The following THSD4 variants were observed in gnomAD, a reference collection of about 807,000 sequenced individuals.
THSD4 encodes thrombospondin type 1 domain containing 4.
In THSD4, 69 loss-of-function variants were observed where a neutral mutation model predicts 119.0. That is an observed-to-expected ratio of 0.58 (90% CI 0.48 to 0.71). The LOEUF is 0.71. THSD4 is among the 30% of genes least tolerant of loss of function. THSD4 has a pLI of 0.00. For synonymous variants in THSD4, 524 were observed against 540.4 expected (o/e 0.97, Z 0.42); for missense variants, 1,393 against 1,391.1 (o/e 1.00, Z -0.02).
At chr15:71,291,446 T>A (rs2044790649) in intron 6 of THSD4, among the ~76,000 whole-genome samples, 1 of 152,138 alleles carries the variant, frequency 6.6e-6, no homozygotes, top group African/African-American at 2.4e-5. Context: ...AAGCCTGAAG[T>A]CTTGAGACCC....
At chr15:71,192,544 T>C (rs537253255) in intron 3 of THSD4, among the ~76,000 whole-genome samples, 1 of 152,256 alleles carries the variant, frequency 6.6e-6, no homozygotes, top group East Asian at 1.9e-4. Flanking sequence ...CCTCCCAACG[T>C]GTTGGGATTA....
rs1470808533 is a variant in THSD4, at chr15:71,419,031, G to A, written c.1152+7208G>A. Among the ~76,000 whole-genome samples, 4 of 106,696 alleles carry A rather than the reference G, an allele frequency of 3.7e-5. 1 individual carries two copies. Among genetic ancestry groups the A allele is most frequent in the Non-Finnish European group, 8.2e-5 (4 of 48,742 alleles). The allele number at this position is 106,696 out of a possible 152,430, so 70.0% of individuals were successfully genotyped here. A position where few individuals can be genotyped will look rare whatever the true frequency, so the allele number is the denominator to read the frequency against. ...ATCAGTTGTTATGTCTCCTTTTTTA[G>A]CTCTGATTTTATTTATTTGAGTCTT... On this transcript the variant is annotated intron_variant, in intron 7 of 17. Transcript: ENST00000261862.
At chr15:71,652,441 A>T (rs1423593972) in intron 7 of THSD4, among the ~76,000 whole-genome samples, 1 of 152,248 alleles carries the variant, frequency 6.6e-6, no homozygotes, top group African/African-American at 2.4e-5. Flanking sequence ...TAGAGCAATT[A>T]TCACTGTCAA....
intron 3 of THSD4, among the ~76,000 whole-genome samples, chr15:71,164,611 T>G (rs755330183): frequency 5.7e-4 from 86 of 152,120 alleles, no homozygotes; most frequent in Non-Finnish European, 9.7e-4. Context: ...TAAAGACACA[T>G]TCGGTAGTGT....
At chr15:71,494,020 G>A (rs992710794) in intron 7 of THSD4, among the ~76,000 whole-genome samples, 16 of 152,240 alleles carry the variant, frequency 1.1e-4, no homozygotes, top group South Asian at 1.0e-3. Context: ...TTACAGCGTC[G>A]CTTTCAGGTG....
chr15:71,529,277 G>A (rs1293056583), intron 7 of THSD4, among the ~76,000 whole-genome samples: 4 of 151,662 alleles, frequency 2.6e-5, no homozygotes, highest in South Asian at 4.2e-4. Context: ...AGTTGTCAAG[G>A]TTCATCTGTT....
intron 7 of THSD4, among the ~76,000 whole-genome samples, chr15:71,514,473 G>T (rs2048327250): frequency 6.6e-6 from 1 of 152,170 alleles, no homozygotes; most frequent in Admixed American, 6.5e-5. Context: ...TCCTAGAGCT[G>T]CATATAAATG....
chr15:71,210,297 G>A (rs1486557217), intron 3 of THSD4, among the ~76,000 whole-genome samples: 3 of 152,182 alleles, frequency 2.0e-5, no homozygotes, highest in Non-Finnish European at 2.9e-5. Flanking sequence ...GGTGTTTTGA[G>A]GATTAATTAG....
intron 7 of THSD4, among the ~76,000 whole-genome samples, chr15:71,487,448 G>A (rs563850749): frequency 1.3e-5 from 2 of 152,240 alleles, no homozygotes; most frequent in South Asian, 4.1e-4. Flanking sequence ...AAATCCAATT[G>A]CCTTTTCTAA....
At chr15:71,711,044 A>T (rs2134064) in intron 8 of THSD4, among the ~76,000 whole-genome samples, 6,542 of 150,652 alleles carry the variant, frequency 0.043, 414 homozygotes, top group African/African-American at 0.13. Flanking sequence ...CTTAAGTTCT[A>T]TAAAATATGC....
rs1596227161 is a variant in THSD4 at position 71,152,014 on chromosome 15, A to G, written c.30-2849A>G. On this transcript the variant is annotated intron_variant, in intron 2 of 17. Coordinates refer to ENST00000261862, the MANE Select transcript of THSD4 (RefSeq NM_024817.3). ...AAACTCTATTGGACAGTGCTGCTCT[A>G]GATCCTCAGCAAGTTATAATTCAAC... Among the ~76,000 whole-genome samples the G allele has an allele frequency of 2.6e-5, 4 of 152,184 alleles. No homozygotes were observed. The South Asian group carries it at 8.3e-4, about 32-fold the overall frequency.
chr15:71,370,733 G>A (rs954568614), intron 6 of THSD4, among the ~76,000 whole-genome samples: 2 of 152,206 alleles, frequency 1.3e-5, no homozygotes, highest in African/African-American at 4.8e-5. Flanking sequence ...AGTGCAATGT[G>A]GTGCTGAGAA....
intron 3 of THSD4, among the ~76,000 whole-genome samples, chr15:71,171,556 A>G (rs2043363807): frequency 1.3e-5 from 2 of 152,218 alleles, no homozygotes; most frequent in African/African-American, 4.8e-5. Flanking sequence ...AGGTGGAAAT[A>G]TGGATCTTCT....
intron 7 of THSD4, among the ~76,000 whole-genome samples, chr15:71,483,109 CA>C (rs767509640): frequency 1.3e-5 from 2 of 151,950 alleles, no homozygotes; most frequent in Non-Finnish European, 2.9e-5. Context: ...GTAAGGAATA[CA>C]AAATATTAAA....
intron 4 of THSD4, among the ~76,000 whole-genome samples, chr15:71,226,158 A>G (rs1200269762): frequency 6.6e-6 from 1 of 152,172 alleles, no homozygotes; most frequent in Admixed American, 6.5e-5. Context: ...ATGAATAATT[A>G]TATGTCCTCT....
At chr15:71,753,552 TG>T (rs1321873874) in intron 14 of THSD4, among the ~76,000 whole-genome samples, 3 of 152,248 alleles carry the variant, frequency 2.0e-5, no homozygotes, top group Non-Finnish European at 4.4e-5. Context: ...ACCAGAGGGT[TG>T]CTTAGGAATT....
At chr15:71,184,151 G>T (rs780489803) in intron 3 of THSD4, 1 of 151,750 alleles carries the variant, frequency 6.6e-6, no homozygotes, top group Non-Finnish European at 1.5e-5. Context: ...TTACACTGAG[G>T]TTTCTGTAGT....
At chr15:71,765,574 A>G (rs964439350) in intron 16 of THSD4, among the ~76,000 whole-genome samples, 1 of 152,184 alleles carries the variant, frequency 6.6e-6, no homozygotes, top group African/African-American at 2.4e-5. Context: ...CAATGCTGCC[A>G]TAGAGGATTG....
At chr15:71,368,979 TCTC>T (rs1238225293) in intron 6 of THSD4, among the ~76,000 whole-genome samples, 2 of 152,196 alleles carry the variant, frequency 1.3e-5, no homozygotes, top group Non-Finnish European at 2.9e-5. Flanking sequence ...GGTTTGTAGT[TCTC>T]CTTGAAGAGG....
Sources: allele counts gnomAD v4.1 joint callset (sites outside exome capture counted in the v4.1 genomes callset), GRCh38; gene constraint gnomAD v4.1.1; transcripts MANE v1.5; gene names NCBI Gene and HGNC (gene_info 2026-07-23, HGNC 2026-07-21).